GRIK4: variants seen among roughly 807,000 people sequenced by gnomAD.
The protein encoded by GRIK4 is glutamate ionotropic receptor kainate type subunit 4.
In GRIK4, 40 loss-of-function variants were observed where a neutral mutation model predicts 104.9. The ratio of observed to expected loss-of-function variants is 0.38; its 90% CI spans 0.30 to 0.50. The LOEUF (loss-of-function observed/expected upper bound fraction) is 0.50, where lower values mean the gene tolerates loss of function less well. GRIK4 is among the 20% of genes least tolerant of loss of function. The pLI, the probability that GRIK4 is intolerant of heterozygous loss-of-function variation, is 0.93. For synonymous variants in GRIK4, 485 were observed against 524.9 expected (o/e 0.92, Z 1.04); for missense variants, 1,047 against 1,308.1 (o/e 0.80, Z 3.08).
At chr11:120,908,374 A>G (rs1000421301) in intron 13 of GRIK4, among the ~76,000 whole-genome samples, 9 of 152,160 alleles carry the variant, frequency 5.9e-5, no homozygotes, top group African/African-American at 2.2e-4. Flanking sequence ...CTTCCCCCAC[A>G]GCTCTAGTGT....
intron 1 of GRIK4, among the ~76,000 whole-genome samples, chr11:120,566,984 T>G (rs1300614340): frequency 6.8e-6 from 1 of 146,278 alleles, no homozygotes; most frequent in African/African-American, 2.6e-5. Flanking sequence ...TTTTTTTTTT[T>G]TTTTTTTTTT....
intron 1 of GRIK4, among the ~76,000 whole-genome samples, chr11:120,561,905 G>A (rs1034965670): frequency 5.3e-5 from 8 of 152,204 alleles, no homozygotes; most frequent in African/African-American, 1.9e-4. Flanking sequence ...GTTCTTTGTG[G>A]CCCACTTGAA....
rs562723235 is a variant in GRIK4, at chr11:120,729,017, T to C, written c.82+68617T>C. On this transcript the variant is annotated intron_variant, in intron 3 of 20. Transcript: ENST00000527524. ...ACAAACAAGTGAGAACATGCGAAGTTTGTCTTTCTGTGCCTGGTTTATTAC... is the reference window on the plus strand; with the variant it reads ...ACAAACAAGTGAGAACATGCGAAGTCTGTCTTTCTGTGCCTGGTTTATTAC... Among the ~76,000 whole-genome samples, 4 of 152,342 alleles carry C rather than the reference T, an allele frequency of 2.6e-5. No individual in the cohort carries two copies. The South Asian group carries it at 8.3e-4, about 32-fold the overall frequency.
intron 1 of GRIK4, among the ~76,000 whole-genome samples, chr11:120,528,461 C>T (rs1056746696): frequency 6.6e-6 from 1 of 152,136 alleles, no homozygotes; most frequent in Non-Finnish European, 1.5e-5. Flanking sequence ...TCCTGTCACC[C>T]CTGTTTGACT....
intron 3 of GRIK4, among the ~76,000 whole-genome samples, chr11:120,674,739 C>T (rs964356621): frequency 1.3e-5 from 2 of 152,204 alleles, no homozygotes; most frequent in Non-Finnish European, 2.9e-5. Context: ...GATGAAAGAA[C>T]AGGGATTTTC....
At chr11:120,872,232 C>T in intron 9 of GRIK4, 1 of 304,010 alleles carries the variant, frequency 3.3e-6, no homozygotes, top group South Asian at 3.2e-5. Context: ...AATTGTTGCT[C>T]ACTTGGAGGG....
At chr11:120,646,615 A>G (rs1484053894) in intron 1 of GRIK4, among the ~76,000 whole-genome samples, 2 of 152,212 alleles carry the variant, frequency 1.3e-5, no homozygotes, top group South Asian at 2.1e-4. Flanking sequence ...TAATTAATCA[A>G]TCATACACTT....
intron 8 of GRIK4, among the ~76,000 whole-genome samples, chr11:120,857,580 G>C (rs951065918): frequency 6.6e-6 from 1 of 152,006 alleles, no homozygotes; most frequent in African/African-American, 2.4e-5. Context: ...AAAGCAAGCT[G>C]TCAGGATTTA....
At chr11:120,572,996 T>C (rs558715919) in intron 1 of GRIK4, among the ~76,000 whole-genome samples, 1 of 152,356 alleles carries the variant, frequency 6.6e-6, no homozygotes, top group South Asian at 2.1e-4. Context: ...CTTCATTCAT[T>C]CATTCATTCA....
chr11:120,882,030 C>A (rs1380275562), intron 11 of GRIK4, among the ~76,000 whole-genome samples: 2 of 152,272 alleles, frequency 1.3e-5, no homozygotes, highest in East Asian at 3.9e-4. Flanking sequence ...ACCATCAAAG[C>A]GCCCTGCCTG....
chr11:120,743,664 C>A (rs1357027346), intron 3 of GRIK4, among the ~76,000 whole-genome samples: 1 of 152,146 alleles, frequency 6.6e-6, no homozygotes, highest in East Asian at 1.9e-4. Flanking sequence ...CCCAGCTCTG[C>A]CCATTACTGC....
chr11:120,696,426 G>A (rs75432677), intron 3 of GRIK4, among the ~76,000 whole-genome samples: 6,312 of 151,060 alleles, frequency 0.042, 239 homozygotes, highest in East Asian at 0.11. Context: ...GCTTCCTAGG[G>A]GAGGTGAAGT....
Position 120,717,937 on chromosome 11 carries a change from C to T in GRIK4, c.82+57537C>T, listed in dbSNP as rs570097251. Among the ~76,000 whole-genome samples, 5 of 152,266 alleles carry T rather than the reference C, an allele frequency of 3.3e-5. No individual in the cohort carries two copies. In the South Asian group the frequency reaches 1.0e-3, roughly 32 times the overall value. On this transcript the variant is annotated intron_variant, in intron 3 of 20. Coordinates refer to ENST00000527524, the MANE Select transcript of GRIK4 (RefSeq NM_014619.5). ...GGGGTAGGAAATGGCCAGCCTGTAC[C>T]TCCCTGCCCGCGTCTGTAAGCTGAG...
intron 4 of GRIK4, among the ~76,000 whole-genome samples, chr11:120,811,922 G>A (rs1297979493): frequency 6.6e-6 from 1 of 152,204 alleles, no homozygotes; most frequent in African/African-American, 2.4e-5. Context: ...GTAACTCTGA[G>A]TCAGGCCTTG....
In GRIK4 at chr11:120,560,602, A is replaced by G. The variant is rs117810007; in HGVS notation, c.-159+48715A>G. ...TTTCCATCAGGCACACACAAGAGAC[A>G]GTATGATAGTAAGAGTCAAATTGAG... On this transcript the variant is annotated intron_variant, in intron 1 of 20. Coordinates refer to ENST00000527524, the MANE Select transcript of GRIK4 (RefSeq NM_014619.5). Among the ~76,000 whole-genome samples, 218 of 152,340 alleles carry G rather than the reference A, an allele frequency of 1.4e-3. 4 individuals are homozygous for G. In the East Asian group the frequency reaches 0.028, roughly 20 times the overall value.
chr11:120,613,064 G>C (rs1949058089), intron 1 of GRIK4, among the ~76,000 whole-genome samples: 1 of 152,208 alleles, frequency 6.6e-6, no homozygotes, highest in Non-Finnish European at 1.5e-5. Flanking sequence ...CTGGAGGGCT[G>C]GTCTCTGCCA....
At position 120,956,879 on chromosome 11, in the gene GRIK4, G is replaced by A. The variant is rs752016295; in HGVS notation, c.1800G>A (p.Pro600=). ...CCCTGGGCAACAGCCTCTGGTTTCC[G>A]GTCGGGGGGTTCATGCAGCAAGGCT... ...QYSLGNSLWF[P]VGGFMQQGST... The change falls in exon 16 of 21, where the codon CCG becomes CCA. Residue 600 remains proline, a synonymous_variant. Coordinates refer to ENST00000527524, the MANE Select transcript of GRIK4 (RefSeq NM_014619.5). This position sits in a 1 kb window ranked among gnomAD's most constrained non-coding sequence, Gnocchi z 4.6. 31 of 1,613,876 alleles carry A rather than the reference G, an allele frequency of 1.9e-5. No homozygotes were observed. The highest frequency in any genetic ancestry group is 2.4e-5 in the Non-Finnish European group (28 of 1,179,998).
chr11:120,826,781 A>T (rs1406314628), intron 6 of GRIK4, among the ~76,000 whole-genome samples: 1 of 152,174 alleles, frequency 6.6e-6, no homozygotes, highest in African/African-American at 2.4e-5. Context: ...AGCAAAGCTT[A>T]GGTGCAGGAT....
chr11:120,688,630 G>A lies in GRIK4; in HGVS notation c.82+28230G>A, dbSNP rs1186217673. Among the ~76,000 whole-genome samples, 3 of 152,180 alleles carry A rather than the reference G, an allele frequency of 2.0e-5. No homozygotes were observed. In the East Asian group the frequency reaches 5.8e-4, roughly 29 times the overall value. The stretch of plus-strand genomic sequence containing the variant: ...GTGTTAATCCCATGGGTGAGTAGCA[G>A]CATTTTGATACCAGCAAACAGATTG... On this transcript the variant is annotated intron_variant, in intron 3 of 20. Transcript: ENST00000527524.
Sources: gnomAD v4.1 joint callset for allele counts (sites outside exome capture counted in the v4.1 genomes callset) on GRCh38, gnomAD v4.1.1 for gene constraint, Gnocchi (gnomAD v3.1) non-coding constraint, MANE v1.5 for transcripts, NCBI Gene and HGNC (gene_info 2026-07-23, HGNC 2026-07-21) for gene names.